The following PLCB1 variants were observed in gnomAD, a reference collection of about 807,000 sequenced individuals.
The protein encoded by PLCB1 is phospholipase C beta 1.
A neutral mutation model predicts 161.8 loss-of-function variants in PLCB1; 46 were observed. The observed-to-expected ratio is 0.28, with a 90% CI of 0.22 to 0.36. The LOEUF is 0.36. Among genes scored for constraint, PLCB1 ranks in the 10% least tolerant of loss-of-function variants. The pLI is 1.00. For missense variants in PLCB1, 1,016 were observed against 1,472.5 expected (o/e 0.69, Z 5.07); for synonymous variants, 517 against 503.7 (o/e 1.03, Z -0.35).
At chr20:8,661,820 C>A (rs1471473431) in intron 9 of PLCB1, among the ~76,000 whole-genome samples, 1 of 149,350 alleles carries the variant, frequency 6.7e-6, no homozygotes, top group African/African-American at 2.5e-5. Flanking sequence ...AGCCAACCTA[C>A]GTTAAGTAAT....
At chr20:8,680,881 G>A (rs1990192619) in intron 9 of PLCB1, among the ~76,000 whole-genome samples, 1 of 151,448 alleles carries the variant, frequency 6.6e-6, no homozygotes, top group Admixed American at 6.6e-5. Flanking sequence ...AAAGGTTATG[G>A]TTTAATTGAC....
chr20:8,616,216 C>G (rs1397086881), intron 3 of PLCB1, among the ~76,000 whole-genome samples: 2 of 152,146 alleles, frequency 1.3e-5, no homozygotes, highest in African/African-American at 4.8e-5. Context: ...TTGACAAGAA[C>G]AAACCTTACT....
rs3222517 is a variant in PLCB1 at position 8,881,328 on chromosome 20, C to CGTGTGTGTGTGT, written c.3424-274_3424-263dup. On this transcript the variant is annotated intron_variant, in intron 31 of 31. Coordinates refer to ENST00000338037, the MANE Select transcript of PLCB1 (RefSeq NM_015192.4). The stretch of plus-strand genomic sequence containing the variant: ...ACTCTGACACCTTTTTCAAAAGACC[C>CGTGTGTGTGTGT]GTGTGTGTGTGTGTGTGTGTGTGTG... Among the ~76,000 whole-genome samples the CGTGTGTGTGTGT allele has an allele frequency of 8.9e-3, 1,151 of 128,954 alleles. 12 individuals carry two copies. The highest frequency in any genetic ancestry group is 0.032 in the East Asian group (157 of 4,856). The allele number at this position is 128,954 out of a possible 152,430, so 84.6% of individuals were successfully genotyped here. A position where few individuals can be genotyped will look rare whatever the true frequency, so the allele number is the denominator to read the frequency against.
At chr20:8,812,482 G>A (rs1479341934) in intron 31 of PLCB1, among the ~76,000 whole-genome samples, 1 of 152,154 alleles carries the variant, frequency 6.6e-6, no homozygotes, top group Non-Finnish European at 1.5e-5. Flanking sequence ...GCTCCCTCTG[G>A]TGTTGACTTC....
intron 31 of PLCB1, among the ~76,000 whole-genome samples, chr20:8,879,285 C>T (rs950542011): frequency 1.5e-5 from 2 of 131,682 alleles, no homozygotes; most frequent in African/African-American, 6.3e-5. Context: ...ATGTCACACA[C>T]TTTTTGATGT....
intron 2 of PLCB1, among the ~76,000 whole-genome samples, chr20:8,194,389 C>T (rs1034400411): frequency 2.6e-5 from 4 of 151,892 alleles, no homozygotes; most frequent in Non-Finnish European, 5.9e-5. Context: ...GAAAAACTCC[C>T]GTAAGTGCAC....
chr20:8,775,783 A>G (rs6056097), intron 27 of PLCB1, among the ~76,000 whole-genome samples: 48,111 of 152,058 alleles, frequency 0.32, 7,674 homozygotes, highest in Middle Eastern at 0.48. Context: ...TAAATTTTCA[A>G]CAGATCTCTC....
At position 8,157,835 on chromosome 20, in the gene PLCB1, C is replaced by T. The variant is rs188248835; in HGVS notation, c.177+7464C>T. ...TGGAATCATTTTTAGAGTAGAAATG[C>T]ATTAGTATAATTTTTATGTCACAAT... On this transcript the variant is annotated intron_variant, in intron 2 of 31. Coordinates refer to ENST00000338037, the MANE Select transcript of PLCB1 (RefSeq NM_015192.4). Among the ~76,000 whole-genome samples the T allele has an allele frequency of 1.4e-3, 219 of 152,178 alleles. 2 individuals carry two copies. Among genetic ancestry groups the T allele is most frequent in the East Asian group, 1.9e-3 (10 of 5,178 alleles).
intron 1 of PLCB1, among the ~76,000 whole-genome samples, chr20:8,139,617 G>A (rs2051383411): frequency 6.6e-6 from 1 of 152,106 alleles, no homozygotes; most frequent in South Asian, 2.1e-4. Context: ...CTATGAAATA[G>A]TTAAGAGTAA....
intron 7 of PLCB1, chr20:8,652,243 A>G (rs1989340932): frequency 6.6e-6 from 1 of 152,124 alleles, no homozygotes; most frequent in African/African-American, 2.4e-5. Context: ...ATTAGAAAAA[A>G]TTATCTCTAA....
chr20:8,555,057 C>T (rs939783695), intron 3 of PLCB1, among the ~76,000 whole-genome samples: 6 of 152,148 alleles, frequency 3.9e-5, no homozygotes, highest in African/African-American at 1.4e-4. Flanking sequence ...TCATGTTAGT[C>T]ACTTTTTTCT....
At chr20:8,863,974 A>G (rs987824550) in intron 31 of PLCB1, among the ~76,000 whole-genome samples, 17 of 152,250 alleles carry the variant, frequency 1.1e-4, no homozygotes, top group African/African-American at 3.4e-4. Context: ...ATGAAAAATT[A>G]TGCACATGAT....
chr20:8,202,299 C>T (rs1424364806), intron 2 of PLCB1, among the ~76,000 whole-genome samples: 1 of 152,226 alleles, frequency 6.6e-6, no homozygotes, highest in African/African-American at 2.4e-5. Context: ...TGGTCTCCAG[C>T]TCCTGGCTTC....
intron 3 of PLCB1, among the ~76,000 whole-genome samples, chr20:8,522,230 C>T (rs866590110): frequency 6.6e-6 from 1 of 152,210 alleles, no homozygotes; most frequent in Non-Finnish European, 1.5e-5. Flanking sequence ...ATTGAACACA[C>T]ATCTTGCTTC....
At chr20:8,815,337 A>G (rs16995282) in intron 31 of PLCB1, among the ~76,000 whole-genome samples, 14,098 of 152,210 alleles carry the variant, frequency 0.093, 1,870 homozygotes, top group African/African-American at 0.3. Flanking sequence ...CCCACTGGAC[A>G]GACTTCTGGC....
chr20:8,620,826 C>T (rs1258163078), intron 3 of PLCB1, among the ~76,000 whole-genome samples: 1 of 150,864 alleles, frequency 6.6e-6, no homozygotes, highest in Non-Finnish European at 1.5e-5. Context: ...GTGTCAAAAG[C>T]TCACAGCATA....
intron 3 of PLCB1, among the ~76,000 whole-genome samples, chr20:8,484,506 G>GC (rs1156966398): frequency 6.6e-6 from 1 of 151,320 alleles, no homozygotes; most frequent in Non-Finnish European, 1.5e-5. Context: ...GACTACAGGC[G>GC]CCCCCTCACC....
At chr20:8,561,245 G>A (rs1986129932) in intron 3 of PLCB1, among the ~76,000 whole-genome samples, 1 of 151,876 alleles carries the variant, frequency 6.6e-6, no homozygotes, top group Admixed American at 6.6e-5. Flanking sequence ...ACACTTTCTA[G>A]TCTAAAGGAA....
intron 3 of PLCB1, among the ~76,000 whole-genome samples, chr20:8,488,873 C>T (rs557485680): frequency 6.6e-6 from 1 of 152,234 alleles, no homozygotes; most frequent in Middle Eastern, 3.4e-3. Flanking sequence ...ATGACTTTAT[C>T]CTGGACAGTG....
Sources: gnomAD v4.1 joint callset for allele counts (sites outside exome capture counted in the v4.1 genomes callset) on GRCh38, gnomAD v4.1.1 for gene constraint, MANE v1.5 for transcripts, NCBI Gene and HGNC (gene_info 2026-07-23, HGNC 2026-07-21) for gene names.